CFAP46: variants seen among roughly 807,000 people sequenced by gnomAD.
The protein encoded by CFAP46 is cilia and flagella associated protein 46, also known as cilia- and flagella-associated protein 46.
A neutral mutation model predicts 325.7 loss-of-function variants in CFAP46; 245 were observed. That is an observed-to-expected ratio of 0.75 (90% confidence interval 0.68 to 0.84). The LOEUF (loss-of-function observed/expected upper bound fraction) is 0.84, where lower values mean the gene tolerates loss of function less well. Ranked by LOEUF, CFAP46 falls within the 40% of genes least tolerant of loss-of-function variation. CFAP46 has a pLI of 0.00. For missense variants in CFAP46, 3,346 were observed against 3,543.0 expected (o/e 0.94, Z 1.41); for synonymous variants, 1,523 against 1,495.9 (o/e 1.02, Z -0.42).
In CFAP46 at chr10:132,808,473, A is replaced by G. The variant is rs1265686433; in HGVS notation, c.8096T>C (p.Leu2699Pro). 1 of 1,613,228 alleles carries G rather than the reference A, an allele frequency of 6.2e-7. No individual in the cohort carries two copies. The highest frequency in any genetic ancestry group is 1.1e-5 in the South Asian group (1 of 91,054). The change falls in exon 58 of 58, where the codon CTG (leucine) becomes CCG (proline). Residue 2699 changes from leucine to proline, a missense_variant. By Grantham distance (98) the Leu-to-Pro change is moderately conservative. Transcript: ENST00000368586. The surrounding 1 kb of genome is among the most constrained non-coding windows in gnomAD (Gnocchi z 6.8). ...AATAGTCTTCTGGTCTAAGCAACTC[A>G]GCACCAGCGCCGCCAAGGGGAGGCC... ...KGGLPLAALV[L>P]SCLDQKTIQT... is the part of the protein sequence containing the mutation.
intron 27 of CFAP46, among the ~76,000 whole-genome samples, chr10:132,883,483 C>T (rs752162293): frequency 9.8e-5 from 15 of 152,358 alleles, no homozygotes; most frequent in South Asian, 4.1e-4. Context: ...AGCTGGTGAG[C>T]GTGTGGAGAA....
intron 29 of CFAP46, 134 bp from the exon 30 acceptor site, chr10:132,878,221 T>C: frequency 2.4e-6 from 2 of 847,998 alleles, no homozygotes; most frequent in East Asian, 2.7e-5. Flanking sequence ...TGGTCTTGCG[T>C]CCCCGTCAGC....
chr10:132,844,888 G>T (rs1422592680), intron 44 of CFAP46, among the ~76,000 whole-genome samples: 19 of 152,264 alleles, frequency 1.2e-4, no homozygotes, highest in Non-Finnish European at 2.2e-4. Flanking sequence ...TGTTGGTCAG[G>T]CTGGGCGTCA....
chr10:132,880,753 A>C (rs1849029360), intron 28 of CFAP46, 108 bp downstream of exon 28: 1 of 1,349,508 alleles, frequency 7.4e-7, no homozygotes, highest in Admixed American at 2.2e-5. Flanking sequence ...TGGCCTCCAA[A>C]GCCTGCACAG....
chr10:132,832,480 C>T lies in CFAP46; in HGVS notation c.7117+878G>A. ...TCGCCAGCCAAACCCCCTTCGAGGC[C>T]CCCCGTCCTGCGCGGACTGCTCGTC... On this transcript the variant is annotated intron_variant, in intron 50 of 57. Transcript: ENST00000368586. The surrounding 1 kb of genome is among the most constrained non-coding windows in gnomAD (Gnocchi z 4.1). 4.5e-6 allele frequency: 1 copy of T among 224,686 alleles called. No homozygotes were observed. The highest frequency in any genetic ancestry group is 4.5e-5 in the South Asian group (1 of 22,232). The allele number at this position is 224,686 out of a possible 1,614,324, so 13.9% of individuals were successfully genotyped here. A position where few individuals can be genotyped will look rare whatever the true frequency, so the allele number is the denominator to read the frequency against.
Position 132,912,728 on chromosome 10 carries a change from TTCCTGGACTTC to T in CFAP46, c.2415_2425del (p.Lys806IlefsTer78), listed in dbSNP as rs1849572512. On this transcript the variant is annotated frameshift_variant, in exon 19 of 58. Transcript: ENST00000368586. LOFTEE classifies it high-confidence loss of function. ...GTGAAACGCGTTTGGTCGCATGAAT[TTCCTGGACTTC>T]TCGGCAGCCTGGACTGGAATCCAGC... 2 of 1,550,328 alleles carry T rather than the reference TTCCTGGACTTC, an allele frequency of 1.3e-6. No homozygotes were observed. The highest frequency in any genetic ancestry group is 1.7e-6 in the Non-Finnish European group (2 of 1,146,970).
intron 8 of CFAP46, among the ~76,000 whole-genome samples, chr10:132,932,553 A>G (rs1338500431): frequency 6.8e-6 from 1 of 148,114 alleles, no homozygotes; most frequent in Non-Finnish European, 1.5e-5. Flanking sequence ...CGCTCCCCAT[A>G]CAGAGCCTGG....
chr10:132,824,817 G>C (rs1848004721), intron 50 of CFAP46, among the ~76,000 whole-genome samples: 2 of 144,274 alleles, frequency 1.4e-5, no homozygotes, highest in African/African-American at 5.2e-5. Flanking sequence ...GCTGATGTGT[G>C]CTGTCTGTGC....
intron 40 of CFAP46, 66 bp downstream of exon 40, chr10:132,851,051 G>A: frequency 5.7e-6 from 9 of 1,580,984 alleles, no homozygotes; most frequent in Non-Finnish European, 7.8e-6. Flanking sequence ...GCTGGAACGG[G>A]GGTCCCATCA....
chr10:132,889,905 T>C lies in CFAP46; in HGVS notation c.3304+2428A>G, dbSNP rs1165886317. 1.3e-5 allele frequency among the ~76,000 whole-genome samples: 2 copies of C among 152,202 alleles called. No homozygotes were observed. Among genetic ancestry groups the C allele is most frequent in the African/African-American group, 4.8e-5 (2 of 41,448 alleles). ...ACGCTAAGCATTTAGCTGCCAGACG[T>C]GGTGTGAGTATCTTCCCGTCTGTTC... On this transcript the variant is annotated intron_variant, in intron 25 of 57. Coordinates refer to ENST00000368586, the MANE Select transcript of CFAP46 (RefSeq NM_001200049.3). The surrounding 1 kb of genome is among the most constrained non-coding windows in gnomAD (Gnocchi z 6.0).
chr10:132,900,066 ACC>A (rs1849373193), intron 22 of CFAP46, among the ~76,000 whole-genome samples: 1 of 151,926 alleles, frequency 6.6e-6, no homozygotes, highest in Admixed American at 6.6e-5. Context: ...CTTATGAGCG[ACC>A]CCAACCCAAA....
At chr10:132,855,603 T>C (rs1848629427) in intron 39 of CFAP46, among the ~76,000 whole-genome samples, 1 of 152,242 alleles carries the variant, frequency 6.6e-6, no homozygotes, top group Non-Finnish European at 1.5e-5. Flanking sequence ...ATTCTTTTTC[T>C]TTTTTCTGCT....
rs1174044156 is a variant in CFAP46 at position 132,887,332 on chromosome 10, TTC to T, written c.3305-1375_3305-1374del. 1.5e-4 allele frequency among the ~76,000 whole-genome samples: 12 copies of T among 77,930 alleles called. 1 individual carries two copies. Among genetic ancestry groups the T allele is most frequent in the Admixed American group, 4.6e-4 (3 of 6,578 alleles). 51.1% of individuals were successfully genotyped at this position (77,930 alleles called of 152,430 possible). On this transcript the variant is annotated intron_variant, in intron 25 of 57. Coordinates refer to ENST00000368586, the MANE Select transcript of CFAP46 (RefSeq NM_001200049.3). ...TTCTCTCCCCTCTCTCCTCTCTCGC[TTC>T]TCTCTCTCCTCTCCTCTCCTCCCCT...
At position 132,808,415 on chromosome 10, in the gene CFAP46, G is replaced by T; in HGVS notation, c.*6C>A. On this transcript the variant is annotated 3_prime_UTR_variant, in exon 58 of 58. Transcript: ENST00000368586. The surrounding 1 kb of genome is among the most constrained non-coding windows in gnomAD (Gnocchi z 6.8). ...ACTGGCTTTTGTTGTTTGTTTAGTGGAACACTCAAATCAAAAACAGGCTCA... is the reference window on the plus strand; with the variant it reads ...ACTGGCTTTTGTTGTTTGTTTAGTGTAACACTCAAATCAAAAACAGGCTCA... 1 of 1,597,772 alleles carries T rather than the reference G, an allele frequency of 6.3e-7. No individual in the cohort carries two copies. The highest frequency in any genetic ancestry group is 1.1e-5 in the South Asian group (1 of 90,538).
chr10:132,894,445 A>G (rs1200421445), intron 24 of CFAP46, among the ~76,000 whole-genome samples: 1 of 152,188 alleles, frequency 6.6e-6, no homozygotes, highest in Non-Finnish European at 1.5e-5. Flanking sequence ...AGGAACTAAA[A>G]CACTAGCAGA....
chr10:132,917,093 G>A (rs777368373), intron 16 of CFAP46, among the ~76,000 whole-genome samples: 91 of 152,362 alleles, frequency 6.0e-4, no homozygotes, highest in Non-Finnish European at 1.2e-3. Flanking sequence ...GCACAGCCCC[G>A]TGGCCGCCGC....
At position 132,928,462 on chromosome 10, in the gene CFAP46, T is replaced by C. The variant is rs189836604; in HGVS notation, c.966+1243A>G. Among the ~76,000 whole-genome samples the C allele has an allele frequency of 2.2e-3, 330 of 152,152 alleles. 1 individual carries two copies. Among genetic ancestry groups the C allele is most frequent in the African/African-American group, 6.8e-3 (283 of 41,508 alleles). On this transcript the variant is annotated intron_variant, in intron 9 of 57. Coordinates refer to ENST00000368586, the MANE Select transcript of CFAP46 (RefSeq NM_001200049.3). The stretch of plus-strand genomic sequence containing the variant: ...TTCCCACCTGCACCCTGGTGGGCGG[T>C]CCCTCCAAGGGCTGCCTGGCTGTCA...
intron 44 of CFAP46, among the ~76,000 whole-genome samples, chr10:132,840,042 G>C: frequency 6.6e-6 from 1 of 152,216 alleles, no homozygotes; most frequent in East Asian, 1.9e-4. Flanking sequence ...AGTTTTCAGA[G>C]GTTATTTATT....
intron 50 of CFAP46, among the ~76,000 whole-genome samples, chr10:132,826,435 G>A (rs536852378): frequency 5.0e-4 from 46 of 92,394 alleles, no homozygotes; most frequent in African/African-American, 1.5e-3. Flanking sequence ...ACAGAGACCA[G>A]CCACGGAGCC....
Sources: allele counts gnomAD v4.1 joint callset (sites outside exome capture counted in the v4.1 genomes callset), GRCh38; gene constraint gnomAD v4.1.1; non-coding constraint Gnocchi (gnomAD v3.1); transcripts MANE v1.5; gene names NCBI Gene and HGNC (gene_info 2026-07-23, HGNC 2026-07-21).